Variants in PHACTR2 observed in about 807,000 individuals in gnomAD.
PHACTR2 encodes the protein phosphatase and actin regulator 2.
In PHACTR2, 30 loss-of-function variants were observed where a neutral mutation model predicts 76.0. The ratio of observed to expected loss-of-function variants is 0.39; its 90% confidence interval spans 0.30 to 0.54. The LOEUF is 0.54. Ranked by LOEUF, PHACTR2 falls within the 20% of genes least tolerant of loss-of-function variation. The pLI is 0.61. For synonymous variants in PHACTR2, 292 were observed against 292.5 expected (o/e 1.00, Z 0.02); for missense variants, 696 against 781.1 (o/e 0.89, Z 1.30).
At chr6:143,769,223 C>T (rs1324602958) in intron 6 of PHACTR2, among the ~76,000 whole-genome samples, 1 of 152,150 alleles carries the variant, frequency 6.6e-6, no homozygotes, top group Non-Finnish European at 1.5e-5. Flanking sequence ...TCATCAGTAA[C>T]ACATATGTGT....
Position 143,800,130 on chromosome 6 carries a change from C to T in PHACTR2, c.1846-6927C>T, listed in dbSNP as rs192009452. ...TGTTGAATTGATCCCTTCACCATTA[C>T]GTAATGGCCTTCTTTGTCTCTTTTG... On this transcript the variant is annotated intron_variant, in intron 11 of 12. Transcript: ENST00000440869. This position sits in a 1 kb window ranked among gnomAD's most constrained non-coding sequence, Gnocchi z 4.8. 5.6e-4 allele frequency among the ~76,000 whole-genome samples: 85 copies of T among 152,228 alleles called. No homozygotes were observed. In the East Asian group the frequency reaches 9.3e-3, roughly 17 times the overall value.
chr6:143,540,039 GT>G (rs144172657), intron 1 of PHACTR2, among the ~76,000 whole-genome samples: 4,042 of 152,236 alleles, frequency 0.027, 182 homozygotes, highest in African/African-American at 0.092. Context: ...CGTATGTCTT[GT>G]GATACCGTGA....
In PHACTR2 at chr6:143,602,687, G is replaced by A. The variant is rs1350285990; in HGVS notation, c.217+65480G>A. On this transcript the variant is annotated intron_variant, in intron 1 of 11. Coordinates refer to the PHACTR2 transcript ENST00000367584. This position sits in a 1 kb window ranked among gnomAD's most constrained non-coding sequence, Gnocchi z 6.1. The stretch of plus-strand genomic sequence containing the variant: ...TATCTATCATTGCTATGTGTTTGGA[G>A]CAGTGGGGTGTTGTCCAAGTGTGGA... Among the ~76,000 whole-genome samples the A allele has an allele frequency of 6.6e-6, 1 of 152,210 alleles. No individual in the cohort carries two copies. Among genetic ancestry groups the A allele is most frequent in the African/African-American group, 2.4e-5 (1 of 41,440 alleles).
Position 143,706,266 on chromosome 6 carries a change from T to C in PHACTR2, c.47-5750T>C, listed in dbSNP as rs1778051083. Among the ~76,000 whole-genome samples, 3 of 152,176 alleles carry C rather than the reference T, an allele frequency of 2.0e-5. No individual in the cohort carries two copies. In the South Asian group the frequency reaches 6.2e-4, roughly 32 times the overall value. On this transcript the variant is annotated intron_variant, in intron 1 of 12. Coordinates refer to ENST00000440869, the MANE Select transcript of PHACTR2 (RefSeq NM_001100164.2). ...TCTGTAAGGAGGTGGTGCTTGCCTA[T>C]TGGAGAATGCTATTAGAAACCAAGA...
rs1036437726 is a variant in PHACTR2 at position 143,550,502 on chromosome 6, G to A, written c.217+13295G>A. On this transcript the variant is annotated intron_variant, in intron 1 of 11. Coordinates refer to the PHACTR2 transcript ENST00000367584. This position sits in a 1 kb window ranked among gnomAD's most constrained non-coding sequence, Gnocchi z 4.8. ...CTATATAGTAAATAATGGGCGGAGG[G>A]TGTCATGCTTTTTCATGAAGTTTTT... is the stretch of plus-strand genomic sequence containing the variant. Among the ~76,000 whole-genome samples, 6 of 151,956 alleles carry A rather than the reference G, an allele frequency of 3.9e-5. No homozygotes were observed. Among genetic ancestry groups the A allele is most frequent in the Non-Finnish European group, 8.8e-5 (6 of 67,962 alleles).
intron 2 of PHACTR2, among the ~76,000 whole-genome samples, chr6:143,719,315 C>T (rs1368567701): frequency 1.3e-5 from 2 of 149,520 alleles, no homozygotes; most frequent in Non-Finnish European, 3.0e-5. Context: ...ACATCTAGAT[C>T]CACAGAGGGC....
intron 1 of PHACTR2, among the ~76,000 whole-genome samples, chr6:143,593,514 G>C (rs572493367): frequency 3.8e-4 from 58 of 152,268 alleles, no homozygotes; most frequent in African/African-American, 1.3e-3. Context: ...TGGGGTTAAA[G>C]ATACATATTC....
At position 143,618,638 on chromosome 6, in the gene PHACTR2, C is replaced by G. The variant is rs1035896457; in HGVS notation, c.13+10316C>G. On this transcript the variant is annotated intron_variant, in intron 1 of 11. Transcript: ENST00000305766. The surrounding 1 kb of genome is among the most constrained non-coding windows in gnomAD (Gnocchi z 5.2). ...GGATAGGGGTTGAATGTTTCCCTAACTGCCCCTCCTGCTCCAGCCCCCACC... is the reference window on the plus strand; with the variant it reads ...GGATAGGGGTTGAATGTTTCCCTAAGTGCCCCTCCTGCTCCAGCCCCCACC... Among the ~76,000 whole-genome samples the G allele has an allele frequency of 6.6e-6, 1 of 151,864 alleles. No homozygotes were observed. The highest frequency in any genetic ancestry group is 2.4e-5 in the African/African-American group (1 of 41,306).
chr6:143,739,272 C>T lies in PHACTR2; in HGVS notation c.215-9713C>T. 6.6e-6 allele frequency among the ~76,000 whole-genome samples: 1 copy of T among 152,072 alleles called. No individual in the cohort carries two copies. The highest frequency in any genetic ancestry group is 2.1e-4 in the South Asian group (1 of 4,822). On this transcript the variant is annotated intron_variant, in intron 2 of 12. Coordinates refer to ENST00000440869, the MANE Select transcript of PHACTR2 (RefSeq NM_001100164.2). This position sits in a 1 kb window ranked among gnomAD's most constrained non-coding sequence, Gnocchi z 4.3. Reference sequence around the variant, plus strand: ...TAAAGACAGGGTTTCACCATGTTAGCCAGGATGGTCTCGATCTGCTGACCT... The same window carrying T: ...TAAAGACAGGGTTTCACCATGTTAGTCAGGATGGTCTCGATCTGCTGACCT...
chr6:143,708,782 A>G lies in PHACTR2; in HGVS notation c.47-3234A>G, dbSNP rs1325091319. Among the ~76,000 whole-genome samples, 2 of 152,210 alleles carry G rather than the reference A, an allele frequency of 1.3e-5. No homozygotes were observed. The highest frequency in any genetic ancestry group is 4.8e-5 in the African/African-American group (2 of 41,444). On this transcript the variant is annotated intron_variant, in intron 1 of 12. Transcript: ENST00000440869. The surrounding 1 kb of genome is among the most constrained non-coding windows in gnomAD (Gnocchi z 5.5). ...GCCAACATATGGTTTCTAATTGCAA[A>G]TATGGTCTATGATAGGGGAAAAATA...
intron 1 of PHACTR2, among the ~76,000 whole-genome samples, chr6:143,685,614 T>A (rs1433576350): frequency 6.6e-6 from 1 of 151,070 alleles, no homozygotes; most frequent in Non-Finnish European, 1.5e-5. Context: ...GCTAAGAAAC[T>A]TGCCTATGTT....
Position 143,585,001 on chromosome 6 carries a change from A to G in PHACTR2, c.217+47794A>G, listed in dbSNP as rs1775611926. 6.7e-6 allele frequency among the ~76,000 whole-genome samples: 1 copy of G among 149,434 alleles called. No individual in the cohort carries two copies. The highest frequency in any genetic ancestry group is 2.1e-4 in the South Asian group (1 of 4,726). On this transcript the variant is annotated intron_variant, in intron 1 of 11. Transcript: ENST00000367584. This position sits in a 1 kb window ranked among gnomAD's most constrained non-coding sequence, Gnocchi z 5.2. ...AGATTAAAAAAAAAAAAAAAAAGCT[A>G]TAGGCTTGGCTGTCATACCTTCTAT...
chr6:143,736,053 C>T lies in PHACTR2; in HGVS notation c.215-12932C>T, dbSNP rs115436615. ...AATTATTAATAAATTTTTATAGACACGTTCTCTCTCTGTCACCCAGGTGGG... is the reference window on the plus strand; with the variant it reads ...AATTATTAATAAATTTTTATAGACATGTTCTCTCTCTGTCACCCAGGTGGG... On this transcript the variant is annotated intron_variant, in intron 2 of 12. Coordinates refer to ENST00000440869, the MANE Select transcript of PHACTR2 (RefSeq NM_001100164.2). Among the ~76,000 whole-genome samples, 1,157 of 152,214 alleles carry T rather than the reference C, an allele frequency of 7.6e-3. 10 individuals are homozygous for T. Among genetic ancestry groups the T allele is most frequent in the African/African-American group, 0.027 (1,111 of 41,530 alleles).
intron 2 of PHACTR2, among the ~76,000 whole-genome samples, chr6:143,726,611 G>C (rs992031494): frequency 3.9e-5 from 6 of 152,104 alleles, no homozygotes; most frequent in African/African-American, 1.4e-4. Context: ...TTTTTTCAAA[G>C]ACTGTGTAGT....
chr6:143,812,777 A>T (rs1366984251), intron 12 of PHACTR2, among the ~76,000 whole-genome samples: 1 of 152,210 alleles, frequency 6.6e-6, no homozygotes, highest in African/African-American at 2.4e-5. Flanking sequence ...TCAAAACCAA[A>T]AAGTCCATTT....
In PHACTR2 at chr6:143,820,242, C is replaced by G. The variant is rs1776385496; in HGVS notation, c.1923-3432C>G. ...TTTGACCCTGGCTGCTCCCAAATCT[C>G]ATGTCCTTCTCACATTTCAAAATGC... On this transcript the variant is annotated intron_variant, in intron 12 of 12. Coordinates refer to ENST00000440869, the MANE Select transcript of PHACTR2 (RefSeq NM_001100164.2). The surrounding 1 kb of genome is among the most constrained non-coding windows in gnomAD (Gnocchi z 4.2). Among the ~76,000 whole-genome samples the G allele has an allele frequency of 6.6e-6, 1 of 152,200 alleles. No homozygotes were observed. Among genetic ancestry groups the G allele is most frequent in the South Asian group, 2.1e-4 (1 of 4,832 alleles).
In PHACTR2 at chr6:143,581,615, A is replaced by G. The variant is rs1332840258; in HGVS notation, c.217+44408A>G. On this transcript the variant is annotated intron_variant, in intron 1 of 11. Transcript: ENST00000367584. The surrounding 1 kb of genome is among the most constrained non-coding windows in gnomAD (Gnocchi z 4.5). The stretch of plus-strand genomic sequence containing the variant: ...CTGCATGACAAATACGGATCACTCA[A>G]GTCCAGGAGTTTGAGACCAGGCTGG... Among the ~76,000 whole-genome samples the G allele has an allele frequency of 6.6e-6, 1 of 152,188 alleles. No individual in the cohort carries two copies. Among genetic ancestry groups the G allele is most frequent in the African/African-American group, 2.4e-5 (1 of 41,454 alleles).
At chr6:143,703,986 C>A (rs1283196760) in intron 1 of PHACTR2, among the ~76,000 whole-genome samples, 7 of 151,864 alleles carry the variant, frequency 4.6e-5, no homozygotes, top group Non-Finnish European at 4.4e-5. Flanking sequence ...CTCTGATGAA[C>A]ACAGTACTGA....
chr6:143,711,237 T>C (rs1399793718), intron 1 of PHACTR2, among the ~76,000 whole-genome samples: 1 of 152,236 alleles, frequency 6.6e-6, no homozygotes, highest in African/African-American at 2.4e-5. Context: ...ATTTTATTGA[T>C]GGAATAATAT....
Sources: allele counts gnomAD v4.1 joint callset (sites outside exome capture counted in the v4.1 genomes callset), GRCh38; gene constraint gnomAD v4.1.1; non-coding constraint Gnocchi (gnomAD v3.1); transcripts MANE v1.5; gene names NCBI Gene and HGNC (gene_info 2026-07-23, HGNC 2026-07-21).